IQGAP2: variants seen among roughly 807,000 people sequenced by gnomAD.
IQGAP2 encodes the protein ras GTPase-activating-like protein IQGAP2.
Under a neutral mutation model 201.3 loss-of-function variants are expected in IQGAP2, and 173 were observed. That is an observed-to-expected ratio of 0.86 (90% CI 0.76 to 0.98). IQGAP2 has a LOEUF of 0.98. Ranked by LOEUF, IQGAP2 falls within the 50% of genes least tolerant of loss-of-function variation. The pLI, the probability that IQGAP2 is intolerant of heterozygous loss-of-function variation, is 0.00. For synonymous variants in IQGAP2, 675 were observed against 673.9 expected (o/e 1.00, Z -0.03); for missense variants, 1,687 against 1,864.8 (o/e 0.90, Z 1.76).
At chr5:76,532,490 G>T in intron 2 of IQGAP2, among the ~76,000 whole-genome samples, 1 of 140,158 alleles carries the variant, frequency 7.1e-6, no homozygotes. Flanking sequence ...GGTGGGTGGG[G>T]GGGTAGAAGG....
chr5:76,663,281 C>T (rs1743429874), intron 21 of IQGAP2, among the ~76,000 whole-genome samples: 1 of 152,204 alleles, frequency 6.6e-6, no homozygotes, highest in South Asian at 2.1e-4. Context: ...CCACACTGCC[C>T]ATAGTGCCCC....
chr5:76,599,124 G>C (rs985467197), intron 10 of IQGAP2, among the ~76,000 whole-genome samples: 1 of 152,138 alleles, frequency 6.6e-6, no homozygotes, highest in African/African-American at 2.4e-5. Flanking sequence ...GTTCCTGTCT[G>C]TAATCTTAGC....
intron 5 of IQGAP2, among the ~76,000 whole-genome samples, chr5:76,579,479 C>T (rs3776768): frequency 0.58 from 87,431 of 150,122 alleles, 26,933 homozygotes; most frequent in African/African-American, 0.77. Flanking sequence ...TTTAAGTACC[C>T]GGCTTTCAGG....
intron 1 of IQGAP2, among the ~76,000 whole-genome samples, chr5:76,448,856 G>A (rs1460017512): frequency 6.6e-6 from 1 of 152,174 alleles, no homozygotes; most frequent in Non-Finnish European, 1.5e-5. Context: ...TTGATGCCCA[G>A]TGAACTGTAC....
intron 30 of IQGAP2, among the ~76,000 whole-genome samples, chr5:76,689,616 A>G (rs1746095916): frequency 6.6e-6 from 1 of 152,186 alleles, no homozygotes; most frequent in Admixed American, 6.5e-5. Context: ...TTGAGTGCTT[A>G]AATTGTCATC....
At chr5:76,673,824 C>T in intron 25 of IQGAP2, 128 bp from the exon 26 acceptor site, 1 of 692,420 alleles carries the variant, frequency 1.4e-6, no homozygotes, top group South Asian at 1.8e-5. Context: ...GATTCCATTA[C>T]CATCTCATCT....
At chr5:76,486,123 A>T (rs1053470846) in intron 2 of IQGAP2, among the ~76,000 whole-genome samples, 4 of 152,366 alleles carry the variant, frequency 2.6e-5, no homozygotes, top group African/African-American at 9.6e-5. Context: ...ATGCTTGAAC[A>T]GTAGATTTCA....
At chr5:76,546,624 G>A (rs1036846865) in intron 2 of IQGAP2, among the ~76,000 whole-genome samples, 23 of 152,240 alleles carry the variant, frequency 1.5e-4, no homozygotes, top group African/African-American at 5.1e-4. Context: ...CCTCTGTCAC[G>A]CCTGGCACAA....
intron 3 of IQGAP2, among the ~76,000 whole-genome samples, chr5:76,563,736 T>A (rs547185396): frequency 2.6e-5 from 4 of 152,324 alleles, no homozygotes; most frequent in African/African-American, 9.6e-5. Flanking sequence ...TTCAGTTCTT[T>A]ATATCAATAT....
At chr5:76,507,532 G>A (rs527512050) in intron 2 of IQGAP2, among the ~76,000 whole-genome samples, 1 of 152,084 alleles carries the variant, frequency 6.6e-6, no homozygotes, top group Non-Finnish European at 1.5e-5. Context: ...AGAAAGAATC[G>A]ATAAACTGGA....
At chr5:76,580,915 C>T (rs1239766472) in intron 5 of IQGAP2, among the ~76,000 whole-genome samples, 2 of 152,206 alleles carry the variant, frequency 1.3e-5, no homozygotes, top group South Asian at 2.1e-4. Context: ...CTGGATTCTG[C>T]TTTTCTTGCT....
intron 11 of IQGAP2, among the ~76,000 whole-genome samples, chr5:76,601,804 A>G (rs1224449500): frequency 6.6e-6 from 1 of 152,194 alleles, no homozygotes. Context: ...AACAAATGGT[A>G]TTTGACCACT....
chr5:76,577,131 G>A (rs977929115), intron 5 of IQGAP2, among the ~76,000 whole-genome samples: 14 of 152,190 alleles, frequency 9.2e-5, no homozygotes, highest in South Asian at 2.1e-4. Context: ...TCGCATGCTC[G>A]TGGGCTGTCT....
At chr5:76,681,782 G>C (rs1012933677) in intron 28 of IQGAP2, among the ~76,000 whole-genome samples, 17 of 152,154 alleles carry the variant, frequency 1.1e-4, no homozygotes. Context: ...CAGAGTCAAA[G>C]AGTTATTTGT....
chr5:76,472,096 C>T (rs1263789981), intron 2 of IQGAP2, among the ~76,000 whole-genome samples: 1 of 152,168 alleles, frequency 6.6e-6, no homozygotes. Flanking sequence ...GAGCAGGGAC[C>T]CCCTCGCAAG....
In IQGAP2 at chr5:76,655,766, G is replaced by A. The variant is rs138601146; in HGVS notation, c.2320+763G>A. ...AAAATTTGTAGAAAGTTTGAAAATAGCAAAATAAAATTCACCCAAAAATAA... is the reference window on the plus strand; with the variant it reads ...AAAATTTGTAGAAAGTTTGAAAATAACAAAATAAAATTCACCCAAAAATAA... On this transcript the variant is annotated intron_variant, in intron 20 of 35. Transcript: ENST00000274364. 9.6e-3 allele frequency among the ~76,000 whole-genome samples: 1,458 copies of A among 152,254 alleles called. 22 individuals carry two copies. Among genetic ancestry groups the A allele is most frequent in the African/African-American group, 0.033 (1,360 of 41,558 alleles).
In IQGAP2 at chr5:76,623,915, T is replaced by A. The variant is rs990787387; in HGVS notation, c.1522-3495T>A. ...GTGGTGGTGGTTTTTCTTCGCCGGG[T>A]GAGGATGGCGTTTGTTCAGGCTTTT... On this transcript the variant is annotated intron_variant, in intron 13 of 35. Transcript: ENST00000274364. Among the ~76,000 whole-genome samples the A allele has an allele frequency of 3.4e-5, 5 of 146,140 alleles. No individual in the cohort carries two copies. The Admixed American group carries it at 3.5e-4, about 10-fold the overall frequency.
intron 2 of IQGAP2, among the ~76,000 whole-genome samples, chr5:76,535,324 T>TA (rs916741874): frequency 1.8e-4 from 27 of 148,850 alleles, no homozygotes; most frequent in Admixed American, 2.7e-4. Flanking sequence ...TTTGAAAGTA[T>TA]AAAAAAAAAA....
At chr5:76,541,841 A>C (rs1742796383) in intron 2 of IQGAP2, among the ~76,000 whole-genome samples, 1 of 152,244 alleles carries the variant, frequency 6.6e-6, no homozygotes, top group South Asian at 2.1e-4. Flanking sequence ...TGGAAAGAGC[A>C]GCTTTCCCCC....
Sources: gnomAD v4.1 joint callset for allele counts (sites outside exome capture counted in the v4.1 genomes callset) on GRCh38, gnomAD v4.1.1 for gene constraint, MANE v1.5 for transcripts, NCBI Gene and HGNC (gene_info 2026-07-23, HGNC 2026-07-21) for gene names.